The following KIF16B variants were observed in gnomAD, a reference collection of about 807,000 sequenced individuals.
KIF16B encodes kinesin family member 16B, also known as kinesin-like protein KIF16B.
In KIF16B, 98 loss-of-function variants were observed where a neutral mutation model predicts 156.3. The observed-to-expected ratio is 0.63, with a 90% CI of 0.53 to 0.74. The LOEUF (loss-of-function observed/expected upper bound fraction) is 0.74. Among genes scored for constraint, KIF16B ranks in the 30% least tolerant of loss-of-function variants. The pLI, the probability that KIF16B is intolerant of heterozygous loss-of-function variation, is 0.00. For synonymous variants in KIF16B, 564 were observed against 583.7 expected, an observed-to-expected ratio of 0.97 and a Z score of 0.49; for missense variants, 1,421 against 1,606.5, an observed-to-expected ratio of 0.88 and a Z score of 1.97.
At chr20:16,409,952 TATATATATATATATATAC>T (rs775419983) in intron 15 of KIF16B, among the ~76,000 whole-genome samples, 1,463 of 33,864 alleles carry the variant, frequency 0.043, 50 homozygotes, top group Non-Finnish European at 0.053. Flanking sequence ...TACCTACATA[TATATATATATATATATAC>T]ATATATATAT....
chr20:16,431,913 T>TATACACACAC (rs1555883233), intron 12 of KIF16B, among the ~76,000 whole-genome samples: 1 of 143,762 alleles, frequency 7.0e-6, no homozygotes, highest in African/African-American at 2.6e-5. Flanking sequence ...TGTATACGTA[T>TATACACACAC]ACACACACAC....
intron 3 of KIF16B, among the ~76,000 whole-genome samples, chr20:16,520,108 A>G (rs984161379): frequency 1.8e-4 from 27 of 150,436 alleles, no homozygotes; most frequent in African/African-American, 6.1e-4. Flanking sequence ...TCAGGCAGAC[A>G]TCGAGCTAGC....
At chr20:16,446,447 T>C (rs1049342904) in intron 12 of KIF16B, among the ~76,000 whole-genome samples, 7 of 152,182 alleles carry the variant, frequency 4.6e-5, no homozygotes, top group African/African-American at 1.7e-4. Flanking sequence ...GCTGAACTGG[T>C]GGCATGTTCC....
At chr20:16,460,370 T>C (rs2067313469) in intron 12 of KIF16B, among the ~76,000 whole-genome samples, 1 of 152,066 alleles carries the variant, frequency 6.6e-6, no homozygotes, top group African/African-American at 2.4e-5. Flanking sequence ...CACTTGAGGT[T>C]AGGAGTTTGA....
At chr20:16,466,364 T>C (rs1161557389) in intron 12 of KIF16B, among the ~76,000 whole-genome samples, 12 of 152,218 alleles carry the variant, frequency 7.9e-5, no homozygotes, top group Non-Finnish European at 1.5e-5. Flanking sequence ...GATGGACAAG[T>C]GGTGATATGG....
At chr20:16,337,551 G>A (rs1360266497) in intron 23 of KIF16B, among the ~76,000 whole-genome samples, 2 of 151,564 alleles carry the variant, frequency 1.3e-5, no homozygotes. Context: ...AAACAAAAGT[G>A]AATGTATTTA....
chr20:16,516,768 C>T (rs1198182435), intron 3 of KIF16B, among the ~76,000 whole-genome samples: 8 of 152,206 alleles, frequency 5.3e-5, no homozygotes, highest in Non-Finnish European at 1.2e-4. Context: ...CAGCCCATTA[C>T]AATCACTTGG....
chr20:16,513,679 A>C (rs1345675351), intron 4 of KIF16B, among the ~76,000 whole-genome samples: 3 of 151,612 alleles, frequency 2.0e-5, no homozygotes, highest in East Asian at 1.9e-4. Context: ...AAAAAAAAAA[A>C]AAAACCACAT....
chr20:16,520,024 C>T (rs114158670), intron 3 of KIF16B, among the ~76,000 whole-genome samples: 2,111 of 152,236 alleles, frequency 0.014, 55 homozygotes, highest in African/African-American at 0.049. Flanking sequence ...CTTCGCAACT[C>T]GCAGACCAGG....
intron 24 of KIF16B, among the ~76,000 whole-genome samples, chr20:16,319,712 G>A (rs2063747414): frequency 6.6e-6 from 1 of 152,204 alleles, no homozygotes; most frequent in African/African-American, 2.4e-5. Flanking sequence ...TCTTGAGGAA[G>A]GTCTCCACGC....
chr20:16,381,281 T>C (rs995275572), intron 18 of KIF16B, among the ~76,000 whole-genome samples: 1 of 151,758 alleles, frequency 6.6e-6, no homozygotes, highest in Non-Finnish European at 1.5e-5. Context: ...CCAAACAATA[T>C]CAGGAAAGAT....
chr20:16,359,319 T>C (rs2064504947), intron 22 of KIF16B, among the ~76,000 whole-genome samples: 1 of 151,994 alleles, frequency 6.6e-6, no homozygotes, highest in Non-Finnish European at 1.5e-5. Context: ...CCAGATCTGG[T>C]CATTTGAAAG....
intron 12 of KIF16B, among the ~76,000 whole-genome samples, chr20:16,480,584 A>T (rs1019758688): frequency 1.3e-5 from 2 of 152,236 alleles, no homozygotes; most frequent in Admixed American, 1.3e-4. Flanking sequence ...AAAAAGGACA[A>T]GGCTTTTGTG....
rs889413354 is a variant in KIF16B at position 16,507,641 on chromosome 20, T to C, written c.699+317A>G. Among the ~76,000 whole-genome samples the C allele has an allele frequency of 3.3e-5, 5 of 152,166 alleles. No individual in the cohort carries two copies. In the South Asian group the frequency reaches 1.0e-3, roughly 32 times the overall value. ...CCAGCTGGTCTGACTCGCAATCCAT[T>C]ATATCCCACAGAGTTTGCAACAATG... On this transcript the variant is annotated intron_variant, in intron 7 of 25. Coordinates refer to ENST00000354981, the MANE Select transcript of KIF16B (RefSeq NM_024704.5).
chr20:16,435,548 T>A (rs1057015363), intron 12 of KIF16B, among the ~76,000 whole-genome samples: 5 of 152,246 alleles, frequency 3.3e-5, no homozygotes, highest in Non-Finnish European at 7.3e-5. Flanking sequence ...ATTCTTCTGA[T>A]CTGCAGACTC....
intron 1 of KIF16B, among the ~76,000 whole-genome samples, chr20:16,530,513 G>A (rs1404819404): frequency 1.3e-5 from 2 of 152,122 alleles, no homozygotes; most frequent in East Asian, 1.9e-4. Context: ...CTAGCAGCAC[G>A]CCAGACAGCC....
chr20:16,441,870 A>G (rs1007853670), intron 12 of KIF16B, among the ~76,000 whole-genome samples: 1 of 152,204 alleles, frequency 6.6e-6, no homozygotes, highest in Non-Finnish European at 1.5e-5. Context: ...CAGTGAGTAA[A>G]GCAGGCACCC....
chr20:16,484,778 G>A (rs2068070882), intron 12 of KIF16B, among the ~76,000 whole-genome samples: 1 of 152,094 alleles, frequency 6.6e-6, no homozygotes, highest in South Asian at 2.1e-4. Context: ...CATCTTCATT[G>A]CAACCCCTGA....
At chr20:16,453,687 CG>C (rs2067143426) in intron 12 of KIF16B, among the ~76,000 whole-genome samples, 1 of 152,056 alleles carries the variant, frequency 6.6e-6, no homozygotes, top group Non-Finnish European at 1.5e-5. Flanking sequence ...TGTAATTAAT[CG>C]GCCCTTAAAT....
Sources: gnomAD v4.1 joint callset for allele counts (sites outside exome capture counted in the v4.1 genomes callset) on GRCh38, gnomAD v4.1.1 for gene constraint, MANE v1.5 for transcripts, NCBI Gene and HGNC (gene_info 2026-07-23, HGNC 2026-07-21) for gene names.